HMOX1: variants seen among roughly 807,000 people sequenced by gnomAD.
HMOX1 encodes the protein heat shock protein, 32-kD.
A neutral mutation model predicts 27.8 loss-of-function variants in HMOX1; 22 were observed. That is an observed-to-expected ratio of 0.79 (90% CI 0.57 to 1.13). The LOEUF (loss-of-function observed/expected upper bound fraction) is 1.13. HMOX1 is among the 50% of genes most tolerant of loss of function. The pLI is 0.00. For missense variants in HMOX1, 379 were observed against 377.7 expected, an observed-to-expected ratio of 1.00 and a Z score of -0.03; for synonymous variants, 153 against 151.6, an observed-to-expected ratio of 1.01 and a Z score of -0.07.
At position 35,386,839 on chromosome 22, in the gene HMOX1, G is replaced by C. The variant is rs747303322; in HGVS notation, c.299G>C (p.Arg100Pro). 1.2e-6 allele frequency: 2 copies of C among 1,614,042 alleles called. No homozygotes were observed. Among genetic ancestry groups the C allele is most frequent in the Admixed American group, 1.7e-5 (1 of 60,008 alleles). The change falls in exon 3 of 5, where the codon CGC becomes CCC. Residue 100 changes from arginine to proline, a missense_variant. Arg to Pro is a moderately radical substitution (Grantham distance 103). Coordinates refer to ENST00000216117, the MANE Select transcript of HMOX1 (RefSeq NM_002133.3). ...EQDLAFWYGP[R>P]WQEVIPYTPA... Reference sequence around the variant, plus strand: ...GACCTGGCCTTCTGGTACGGGCCCCGCTGGCAGGAGGTCATCCCCTACACA... The same window carrying C: ...GACCTGGCCTTCTGGTACGGGCCCCCCTGGCAGGAGGTCATCCCCTACACA...
At chr22:35,386,611 A>G in intron 2 of HMOX1, 74 bp from the exon 3 acceptor site, 1 of 1,600,488 alleles carries the variant, frequency 6.2e-7, no homozygotes, top group Admixed American at 1.7e-5. Context: ...TTCCAAAGGC[A>G]GTAGTGGACG....
In HMOX1 at chr22:35,389,378, TCC is replaced by T. The variant is rs1569057513; in HGVS notation, c.637-485_637-484del. On this transcript the variant is annotated intron_variant, in intron 3 of 4. Transcript: ENST00000216117. ...TTCCTTCCTTCCTTCCTTCCTTCCT[TCC>T]TTCCTTCCTTCCTTCCTTTCTTTCT... 8.4e-3 allele frequency among the ~76,000 whole-genome samples: 587 copies of T among 69,872 alleles called. 50 individuals carry two copies. Among genetic ancestry groups the T allele is most frequent in the African/African-American group, 0.025 (215 of 8,540 alleles). 45.8% of individuals were successfully genotyped at this position (69,872 alleles called of 152,430 possible). A position where few individuals can be genotyped will look rare whatever the true frequency, so the allele number is the denominator to read the frequency against.
chr22:35,381,321 A>G, intron 1 of HMOX1, 125 bp downstream of exon 1: 1 of 1,158,386 alleles, frequency 8.6e-7, no homozygotes, highest in Non-Finnish European at 1.2e-6. Context: ...TGGGCTCTGG[A>G]GTCAGGAGGT....
chr22:35,392,450 G>A (rs1411520767), intron 4 of HMOX1, among the ~76,000 whole-genome samples: 1 of 152,082 alleles, frequency 6.6e-6, no homozygotes, highest in Non-Finnish European at 1.5e-5. Flanking sequence ...AAATGTCACA[G>A]TGTACCTGCT....
At chr22:35,393,328 G>C (rs1931770108) in intron 4 of HMOX1, 140 bp from the exon 5 acceptor site, 1 of 991,018 alleles carries the variant, frequency 1.0e-6, no homozygotes, top group Non-Finnish European at 1.6e-6. Context: ...AGGGACACCT[G>C]TCTGTGGTCT....
Position 35,386,960 on chromosome 22 carries a change from C to G in HMOX1, c.420C>G (p.Asp140Glu), listed in dbSNP as rs746165512. The G allele has an allele frequency of 6.2e-7, 1 of 1,613,942 alleles. No individual in the cohort carries two copies. The highest frequency in any genetic ancestry group is 1.7e-5 in the Admixed American group (1 of 60,016). ...ACGCCTACACCCGCTACCTGGGTGA[C>G]CTGTCTGGGGGCCAGGTGCTCAAAA... The part of the protein sequence containing the change: ...VAHAYTRYLG[D>E]LSGGQVLKKI... The change falls in exon 3 of 5, where the codon GAC (aspartate) becomes GAG (glutamate). Residue 140 changes from aspartate to glutamate, a missense_variant. Coordinates refer to ENST00000216117, the MANE Select transcript of HMOX1 (RefSeq NM_002133.3).
In HMOX1 at chr22:35,383,158, A is replaced by G; in HGVS notation, c.76A>G (p.Thr26Ala). Residue 26 changes from threonine (T) to alanine (A), a missense_variant, in exon 2 of 5, where the codon ACC (threonine) becomes GCC (alanine). Thr to Ala is a moderately conservative substitution (Grantham distance 58). Coordinates refer to ENST00000216117, the MANE Select transcript of HMOX1 (RefSeq NM_002133.3). ...GAAGGAGGCCACCAAGGAGGTGCAC[A>G]CCCAGGCAGAGAATGCTGAGTTCAT... is the stretch of plus-strand genomic sequence containing the variant. ...ALKEATKEVH[T>A]QAENAEFMRN... 2 of 1,613,882 alleles carry G rather than the reference A, an allele frequency of 1.2e-6. No individual in the cohort carries two copies.
chr22:35,386,056 C>T lies in HMOX1; in HGVS notation c.145-629C>T, dbSNP rs543507049. On this transcript the variant is annotated intron_variant, in intron 2 of 4. Coordinates refer to ENST00000216117, the MANE Select transcript of HMOX1 (RefSeq NM_002133.3). ...CTGCAAGCTCCACCTCCCGGGTTCA[C>T]GCCATTCTCCTGCCTCAGCCTCCTG... Among the ~76,000 whole-genome samples, 6 of 151,854 alleles carry T rather than the reference C, an allele frequency of 4.0e-5. No homozygotes were observed. In the South Asian group the frequency reaches 1.0e-3, roughly 26 times the overall value.
At chr22:35,381,222 A>C in intron 1 of HMOX1, 26 bp downstream of exon 1, 2 of 1,544,824 alleles carry the variant, frequency 1.3e-6, no homozygotes, top group Non-Finnish European at 1.7e-6. Flanking sequence ...GGGACGCGGG[A>C]CGGGCGCCTT....
At chr22:35,383,698 A>G (rs111587291) in intron 2 of HMOX1, among the ~76,000 whole-genome samples, 6 of 152,298 alleles carry the variant, frequency 3.9e-5, no homozygotes, top group African/African-American at 1.4e-4. Flanking sequence ...GAAGATAAGG[A>G]ATAATATAGG....
At chr22:35,389,452 T>TTTC (rs1931656879) in intron 3 of HMOX1, among the ~76,000 whole-genome samples, 1 of 135,018 alleles carries the variant, frequency 7.4e-6, no homozygotes, top group East Asian at 2.1e-4. Context: ...TTCTTTCTTT[T>TTTC]CTTTCTTTCT....
intron 4 of HMOX1, among the ~76,000 whole-genome samples, chr22:35,391,299 T>C (rs1328911740): frequency 1.3e-5 from 1 of 79,188 alleles, no homozygotes; most frequent in Non-Finnish European, 3.2e-5. Context: ...TTGGTTTTTT[T>C]TTTTTCGTTT....
chr22:35,390,406 T>C (rs1223120446), intron 4 of HMOX1: 2 of 265,816 alleles, frequency 7.5e-6, no homozygotes, highest in Non-Finnish European at 1.5e-5. Flanking sequence ...TTTTTGTATG[T>C]TTAGTAGAGA....
chr22:35,383,473 G>A (rs750512990), intron 2 of HMOX1, among the ~76,000 whole-genome samples: 94 of 152,140 alleles, frequency 6.2e-4, no homozygotes, highest in Admixed American at 5.9e-4. Flanking sequence ...ACTGAGCACC[G>A]GTTCCATGTT....
intron 4 of HMOX1, among the ~76,000 whole-genome samples, chr22:35,392,362 T>C (rs1931744263): frequency 1.3e-5 from 2 of 152,228 alleles, no homozygotes; most frequent in South Asian, 4.1e-4. Flanking sequence ...AAAGGAGTTT[T>C]GGAACCAAAA....
rs369961459 is a variant in HMOX1 at position 35,389,319 on chromosome 22, C to CTTCT, written c.637-527_637-524dup. ...TTCTTCTTTCTTTCTTTCTTTCTTT[C>CTTCT]TTCTTTCTTTCTTTCTTTCTTCTCC... On this transcript the variant is annotated intron_variant, in intron 3 of 4. Coordinates refer to ENST00000216117, the MANE Select transcript of HMOX1 (RefSeq NM_002133.3). Among the ~76,000 whole-genome samples the CTTCT allele has an allele frequency of 1.5e-4, 13 of 86,334 alleles. 1 individual carries two copies. Among genetic ancestry groups the CTTCT allele is most frequent in the African/African-American group, 3.5e-4 (5 of 14,170 alleles). The allele number at this position is 86,334 out of a possible 152,430, so 56.6% of individuals were successfully genotyped here. A position where few individuals can be genotyped will look rare whatever the true frequency, so the allele number is the denominator to read the frequency against.
intron 1 of HMOX1, 82 bp downstream of exon 1, chr22:35,381,278 CCA>C (rs1931383839): frequency 6.8e-7 from 1 of 1,467,288 alleles, no homozygotes; most frequent in African/African-American, 1.4e-5. Context: ...CGGGACACTG[CCA>C]CACAGCGACA....
intron 3 of HMOX1, among the ~76,000 whole-genome samples, chr22:35,389,633 G>A (rs1459352788): frequency 6.8e-6 from 1 of 147,366 alleles, no homozygotes; most frequent in African/African-American, 2.6e-5. Context: ...TACTAGAGAT[G>A]GGGTTTCACT....
At chr22:35,391,133 C>T (rs572088306) in intron 4 of HMOX1, among the ~76,000 whole-genome samples, 31 of 152,162 alleles carry the variant, frequency 2.0e-4, no homozygotes, top group African/African-American at 7.2e-4. Flanking sequence ...GGTTTGTAAC[C>T]CCGGAGGGCT....
Sources: allele counts gnomAD v4.1 joint callset (sites outside exome capture counted in the v4.1 genomes callset), GRCh38; gene constraint gnomAD v4.1.1; transcripts MANE v1.5; gene names NCBI Gene and HGNC (gene_info 2026-07-23, HGNC 2026-07-21).